ERN1: variants seen among roughly 807,000 people sequenced by gnomAD.
ERN1 encodes the protein serine/threonine-protein kinase/endoribonuclease IRE1.
Under a neutral mutation model 113.1 loss-of-function variants are expected in ERN1, and 39 were observed. The observed-to-expected ratio is 0.34, with a 90% CI of 0.27 to 0.45. The LOEUF (loss-of-function observed/expected upper bound fraction) is 0.45, where lower values mean the gene tolerates loss of function less well. ERN1 is among the 20% of genes least tolerant of loss of function. The pLI is 1.00. For synonymous variants in ERN1, 507 were observed against 515.9 expected (o/e 0.98, Z 0.23); for missense variants, 976 against 1,274.8 (o/e 0.77, Z 3.57).
chr17:64,075,508 C>A (rs2143398352), intron 4 of ERN1, among the ~76,000 whole-genome samples: 1 of 152,280 alleles, frequency 6.6e-6, no homozygotes, highest in East Asian at 1.9e-4. Context: ...TCTTGGCTCA[C>A]TGCAACCTCT....
At chr17:64,106,213 T>C (rs575582839) in intron 1 of ERN1, among the ~76,000 whole-genome samples, 63 of 152,252 alleles carry the variant, frequency 4.1e-4, no homozygotes, top group African/African-American at 1.5e-3. Flanking sequence ...TGAATACATA[T>C]TACAGTATTA....
chr17:64,110,092 A>C (rs1383548986), intron 1 of ERN1, among the ~76,000 whole-genome samples: 1 of 152,204 alleles, frequency 6.6e-6, no homozygotes, highest in African/African-American at 2.4e-5. Context: ...CTCACTGTAC[A>C]TCTAAGTGGG....
Position 64,045,353 on chromosome 17 carries a change from G to C in ERN1, c.2653+6C>G, listed in dbSNP as rs1291758272. 1 of 1,613,688 alleles carries C rather than the reference G, an allele frequency of 6.2e-7. No homozygotes were observed. The highest frequency in any genetic ancestry group is 8.5e-7 in the Non-Finnish European group (1 of 1,179,886). On this transcript the variant is annotated splice_donor_region_variant and intron_variant, in intron 20 of 21. Transcript: ENST00000433197. ...CCTGCCCTCTCACACGCTGCAGCATGATCACCTGTCTGGAGGGGGACAGTG... is the reference window on the plus strand; with the variant it reads ...CCTGCCCTCTCACACGCTGCAGCATCATCACCTGTCTGGAGGGGGACAGTG...
At position 64,044,229 on chromosome 17, in the gene ERN1, T is replaced by C. The variant is rs770660885; in HGVS notation, c.2722-29A>G. The C allele has an allele frequency of 6.9e-7, 1 of 1,448,058 alleles. No individual in the cohort carries two copies. Among genetic ancestry groups the C allele is most frequent in the Non-Finnish European group, 9.2e-7 (1 of 1,085,126 alleles). The allele number at this position is 1,448,058 out of a possible 1,614,324, so 89.7% of individuals were successfully genotyped here. ...CAAAGAGTTAGAAAGCTCGGGAGATTAGAAAGGGGTTAGAAAGCTCGGGAA... is the reference window on the plus strand; with the variant it reads ...CAAAGAGTTAGAAAGCTCGGGAGATCAGAAAGGGGTTAGAAAGCTCGGGAA... On this transcript the variant is annotated intron_variant, in intron 21 of 21. Transcript: ENST00000433197. The surrounding 1 kb of genome is among the most constrained non-coding windows in gnomAD (Gnocchi z 4.1).
At chr17:64,048,937 G>A in intron 18 of ERN1, 118 bp downstream of exon 18, 1 of 1,054,014 alleles carries the variant, frequency 9.5e-7, no homozygotes, top group Non-Finnish European at 1.3e-6. Context: ...AGGCCTGCGG[G>A]GTGAGCAGCT....
At chr17:64,091,770 G>C (rs1259254996) in intron 2 of ERN1, among the ~76,000 whole-genome samples, 2 of 152,172 alleles carry the variant, frequency 1.3e-5, no homozygotes, top group African/African-American at 4.8e-5. Context: ...GTTGGGGCGG[G>C]GGGGCGGCGG....
intron 1 of ERN1, among the ~76,000 whole-genome samples, chr17:64,114,745 G>A (rs1044038636): frequency 6.6e-5 from 10 of 152,060 alleles, no homozygotes; most frequent in South Asian, 4.1e-4. Context: ...AAGGTGAGGC[G>A]TGTAATACAC....
Position 64,072,113 on chromosome 17 carries a change from C to T in ERN1, c.356-10G>A, listed in dbSNP as rs758778011. Reference sequence around the variant, plus strand: ...ATGTCCTGCTTTTTACCTGAAAGGACACAAAAACACATCGTCGTTTACACC... The same window carrying T: ...ATGTCCTGCTTTTTACCTGAAAGGATACAAAAACACATCGTCGTTTACACC... On this transcript the variant is annotated splice_polypyrimidine_tract_variant and intron_variant, in intron 5 of 21. Transcript: ENST00000433197. 3.1e-6 allele frequency: 5 copies of T among 1,612,676 alleles called. No homozygotes were observed. The highest frequency in any genetic ancestry group is 3.4e-6 in the Non-Finnish European group (4 of 1,179,490).
rs780208953 is a variant in ERN1, at chr17:64,057,986, T to C, written c.1214A>G (p.Asn405Ser). The change falls in exon 12 of 22, where the codon AAC becomes AGC. Residue 405 changes from asparagine to serine, a missense_variant. Transcript: ENST00000433197. Reference protein sequence around the residue: ...SEKKSFEEVINLVDQTSENAP... With the variant: ...SEKKSFEEVISLVDQTSENAP... Reference sequence around the variant, plus strand: ...GTTTTCTGAAGTCTGGTCAACCAGGTTGATAACCTTGCATGGGAGAGAGTT... The same window carrying C: ...GTTTTCTGAAGTCTGGTCAACCAGGCTGATAACCTTGCATGGGAGAGAGTT... 2.6e-6 allele frequency: 4 copies of C among 1,559,480 alleles called. No homozygotes were observed. The highest frequency in any genetic ancestry group is 2.3e-5 in the East Asian group (1 of 43,540).
At chr17:64,065,616 C>T (rs1332179779) in intron 8 of ERN1, among the ~76,000 whole-genome samples, 6 of 152,110 alleles carry the variant, frequency 3.9e-5, no homozygotes, top group Non-Finnish European at 8.8e-5. Flanking sequence ...TGCTTACTAC[C>T]ACCGCCGAGG....
chr17:64,103,518 A>G (rs928928848), intron 1 of ERN1, among the ~76,000 whole-genome samples: 1 of 151,342 alleles, frequency 6.6e-6, no homozygotes, highest in African/African-American at 2.4e-5. Flanking sequence ...AAAAAAAGCA[A>G]TGTTACACAA....
chr17:64,082,533 G>A (rs184470470), intron 2 of ERN1, among the ~76,000 whole-genome samples: 35 of 152,256 alleles, frequency 2.3e-4, no homozygotes, highest in Non-Finnish European at 2.9e-5. Context: ...CCACTTAAAG[G>A]TATCACAGAT....
chr17:64,111,646 C>A (rs935731684), intron 1 of ERN1, among the ~76,000 whole-genome samples: 2 of 152,114 alleles, frequency 1.3e-5, no homozygotes, highest in African/African-American at 4.8e-5. Flanking sequence ...CATGAGCCAT[C>A]GCGCCCGGCC....
At chr17:64,100,557 G>C (rs1206378626) in intron 1 of ERN1, among the ~76,000 whole-genome samples, 1 of 152,120 alleles carries the variant, frequency 6.6e-6, no homozygotes, top group Admixed American at 6.5e-5. Flanking sequence ...GATCACTTGA[G>C]GTCAGGAGTT....
intron 2 of ERN1, among the ~76,000 whole-genome samples, chr17:64,081,513 A>G (rs551454714): frequency 6.6e-6 from 1 of 152,336 alleles, no homozygotes; most frequent in East Asian, 1.9e-4. Flanking sequence ...GGCTAATAAA[A>G]TTTTAAGACA....
chr17:64,086,589 G>A (rs1009764987), intron 2 of ERN1, among the ~76,000 whole-genome samples: 3 of 148,122 alleles, frequency 2.0e-5, no homozygotes, highest in Non-Finnish European at 3.0e-5. Context: ...ATTTGTGTAC[G>A]AGTGTTTATT....
intron 1 of ERN1, 115 bp from the exon 2 acceptor site, chr17:64,098,356 T>C: frequency 7.6e-7 from 1 of 1,315,366 alleles, no homozygotes; most frequent in Non-Finnish European, 1.1e-6. Context: ...ATTTTACAGA[T>C]GAAGAAATGG....
At chr17:64,122,739 G>T (rs1914984955) in intron 1 of ERN1, among the ~76,000 whole-genome samples, 1 of 152,190 alleles carries the variant, frequency 6.6e-6, no homozygotes, top group African/African-American at 2.4e-5. Flanking sequence ...AAGACTGGAA[G>T]GAATTGGAGA....
chr17:64,112,496 C>T (rs147194868), intron 1 of ERN1, among the ~76,000 whole-genome samples: 14 of 152,198 alleles, frequency 9.2e-5, no homozygotes, highest in Non-Finnish European at 1.6e-4. Context: ...TATGATGCTG[C>T]GGCTAAACGA....
Sources: allele counts gnomAD v4.1 joint callset (sites outside exome capture counted in the v4.1 genomes callset), GRCh38; gene constraint gnomAD v4.1.1; non-coding constraint Gnocchi (gnomAD v3.1); transcripts MANE v1.5; gene names NCBI Gene and HGNC (gene_info 2026-07-23, HGNC 2026-07-21).